The following FAM107A variants were observed in gnomAD, a reference collection of about 807,000 sequenced individuals.
The protein encoded by FAM107A is actin-associated protein FAM107A.
Under a neutral mutation model 13.7 loss-of-function variants are expected in FAM107A, and 19 were observed. The ratio of observed to expected loss-of-function variants is 1.38; its 90% CI spans 0.97 to 2.03. The LOEUF is 2.03. Ranked by LOEUF, FAM107A falls within the 30% of genes most tolerant of loss-of-function variation. FAM107A has a pLI of 0.00. For synonymous variants in FAM107A, 82 were observed against 74.5 expected, an observed-to-expected ratio of 1.10 and a Z score of -0.52; for missense variants, 203 against 184.4, an observed-to-expected ratio of 1.10 and a Z score of -0.58.
chr3:58,569,949 T>C lies in FAM107A; in HGVS notation c.-5-84A>G. 1 of 1,405,590 alleles carries C rather than the reference T, an allele frequency of 7.1e-7. No individual in the cohort carries two copies. Among genetic ancestry groups the C allele is most frequent in the Non-Finnish European group, 9.6e-7 (1 of 1,039,532 alleles). The allele number at this position is 1,405,590 out of a possible 1,614,324, so 87.1% of individuals were successfully genotyped here. A position where few individuals can be genotyped will look rare whatever the true frequency, so the allele number is the denominator to read the frequency against. ...TGGGACACAGTTGAAGGGCAAGGTT[T>C]TCATGTCAGATGGACCTTGGCCACC... On this transcript the variant is annotated intron_variant, in intron 1 of 3. Transcript: ENST00000360997. This position sits in a 1 kb window ranked among gnomAD's most constrained non-coding sequence, Gnocchi z 5.7.
upstream of FAM107A, among the ~76,000 whole-genome samples, chr3:58,581,000 T>C (rs1367103460): frequency 6.6e-6 from 1 of 152,254 alleles, no homozygotes; most frequent in African/African-American, 2.4e-5. Flanking sequence ...AGAGGCCCTC[T>C]GAACAAACAA....
At chr3:58,593,422 T>TGCCC (rs1290024742) in intron 1 of FAM107A, among the ~76,000 whole-genome samples, 1 of 152,182 alleles carries the variant, frequency 6.6e-6, no homozygotes, top group Admixed American at 6.5e-5. Flanking sequence ...GTAAATGCCC[T>TGCCC]GCCCTTGTTT....
chr3:58,590,186 G>A (rs181882414), upstream of FAM107A, among the ~76,000 whole-genome samples: 987 of 152,282 alleles, frequency 6.5e-3, 4 homozygotes, highest in Middle Eastern at 0.017. Flanking sequence ...AACTCACCAT[G>A]GCCCAAACAG....
intron 1 of FAM107A, among the ~76,000 whole-genome samples, chr3:58,596,220 C>G (rs2065706034): frequency 6.6e-6 from 1 of 152,130 alleles, no homozygotes; most frequent in Non-Finnish European, 1.5e-5. Context: ...TCCCCAAATC[C>G]TCCTCTTCCC....
At chr3:58,599,695 C>CTTTTT (rs1559483413) in intron 1 of FAM107A, among the ~76,000 whole-genome samples, 4 of 45,744 alleles carry the variant, frequency 8.7e-5, no homozygotes, top group Non-Finnish European at 2.1e-4. Flanking sequence ...ACAAGTGCAC[C>CTTTTT]ATTTTTTTTT....
At chr3:58,588,244 T>C (rs537817658), upstream of FAM107A, among the ~76,000 whole-genome samples, 185 of 152,366 alleles carry the variant, frequency 1.2e-3, no homozygotes, top group Non-Finnish European at 2.2e-3. Context: ...TGTTCAAGGC[T>C]GTGTCTGAAA....
At chr3:58,600,001 T>C (rs1392822107) in intron 1 of FAM107A, among the ~76,000 whole-genome samples, 1 of 152,054 alleles carries the variant, frequency 6.6e-6, no homozygotes, top group African/African-American at 2.4e-5. Context: ...ATATGCGTGT[T>C]ATTCTTCGGC....
chr3:58,612,054 T>C (rs2065859624), intron 1 of FAM107A, among the ~76,000 whole-genome samples: 1 of 152,120 alleles, frequency 6.6e-6, no homozygotes, highest in Admixed American at 6.5e-5. Flanking sequence ...GTTCTCTCTC[T>C]CTTTGGAAAG....
At chr3:58,614,195 A>G (rs1457119211) in intron 1 of FAM107A, among the ~76,000 whole-genome samples, 1 of 152,086 alleles carries the variant, frequency 6.6e-6, no homozygotes, top group African/African-American at 2.4e-5. Context: ...GCTAAAAAGA[A>G]TTTCTGTGCC....
At chr3:58,611,043 G>C (rs1186916096) in intron 1 of FAM107A, among the ~76,000 whole-genome samples, 3 of 152,184 alleles carry the variant, frequency 2.0e-5, no homozygotes. Context: ...GGTTTTATTA[G>C]GGACTTTTCT....
intron 1 of FAM107A, among the ~76,000 whole-genome samples, chr3:58,594,190 T>A (rs2065679568): frequency 6.6e-6 from 1 of 152,214 alleles, no homozygotes; most frequent in South Asian, 2.1e-4. Context: ...GTGTCAATAC[T>A]GACAAACGTA....
At chr3:58,610,160 C>T (rs1428987238) in intron 1 of FAM107A, among the ~76,000 whole-genome samples, 1 of 152,144 alleles carries the variant, frequency 6.6e-6, no homozygotes, top group Non-Finnish European at 1.5e-5. Flanking sequence ...GATACAGCAC[C>T]ATAGGCCAGG....
chr3:58,594,669 T>C (rs1487515117), intron 1 of FAM107A, among the ~76,000 whole-genome samples: 1 of 152,224 alleles, frequency 6.6e-6, no homozygotes, highest in African/African-American at 2.4e-5. Flanking sequence ...CCTGGTCCCC[T>C]GATGACACCA....
chr3:58,597,470 G>A (rs2065717646), intron 1 of FAM107A, among the ~76,000 whole-genome samples: 1 of 152,178 alleles, frequency 6.6e-6, no homozygotes. Flanking sequence ...CTTAAAATCT[G>A]GAGTGAATCA....
At position 58,616,344 on chromosome 3, in the gene FAM107A, G is replaced by A. The variant is rs113953349; in HGVS notation, c.-70+11072C>T. Among the ~76,000 whole-genome samples the A allele has an allele frequency of 6.4e-3, 966 of 152,090 alleles. 15 individuals carry two copies. Among genetic ancestry groups the A allele is most frequent in the African/African-American group, 0.022 (913 of 41,454 alleles). On this transcript the variant is annotated intron_variant, in intron 1 of 3. Transcript: ENST00000465970. ...GTCCACCAAGTACAGAGGTCCAGGG[G>A]GCCAGGCGTTATTGTTGTGGGTTGA...
chr3:58,586,030 T>C (rs1431911257), intron 1 of FAM107A, among the ~76,000 whole-genome samples: 2 of 152,178 alleles, frequency 1.3e-5, no homozygotes, highest in East Asian at 1.9e-4. Context: ...TCCTTCCAAA[T>C]AGTTGCATGC....
At chr3:58,616,711 G>A (rs1180781691) in intron 1 of FAM107A, among the ~76,000 whole-genome samples, 6 of 152,022 alleles carry the variant, frequency 3.9e-5, no homozygotes, top group East Asian at 1.9e-4. Context: ...ACTCCCTGCC[G>A]ACACCCTGAT....
intron 1 of FAM107A, among the ~76,000 whole-genome samples, chr3:58,592,511 A>T (rs541012513): frequency 2.0e-5 from 3 of 152,300 alleles, no homozygotes; most frequent in South Asian, 2.1e-4. Context: ...TGAGAAGGCC[A>T]CCGCGGTCAT....
At position 58,617,961 on chromosome 3, in the gene FAM107A, G is replaced by A. The variant is rs1413513407; in HGVS notation, c.-70+9455C>T. Among the ~76,000 whole-genome samples, 1 of 152,244 alleles carries A rather than the reference G, an allele frequency of 6.6e-6. No homozygotes were observed. The highest frequency in any genetic ancestry group is 1.9e-4 in the East Asian group (1 of 5,202). ...AGTTCAAGTCCCAGCTCTGGCACTT[G>A]TTGGCTCTGTGATCTTGAGACGTGA... On this transcript the variant is annotated intron_variant, in intron 1 of 3. Transcript: ENST00000465970. This position sits in a 1 kb window ranked among gnomAD's most constrained non-coding sequence, Gnocchi z 4.5.
Sources: allele counts gnomAD v4.1 joint callset (sites outside exome capture counted in the v4.1 genomes callset), GRCh38; gene constraint gnomAD v4.1.1; non-coding constraint Gnocchi (gnomAD v3.1); transcripts MANE v1.5; gene names NCBI Gene and HGNC (gene_info 2026-07-23, HGNC 2026-07-21).